The following CLNK variants were observed in gnomAD, a reference collection of about 807,000 sequenced individuals.
CLNK encodes the protein cytokine dependent hematopoietic cell linker, also known as cytokine-dependent hematopoietic cell linker.
CLNK carries 74 observed loss-of-function variants against 68.6 expected under a neutral mutation model. The ratio of observed to expected loss-of-function variants is 1.08; its 90% CI spans 0.89 to 1.31. The LOEUF (loss-of-function observed/expected upper bound fraction) is 1.31. Ranked by LOEUF, CLNK falls within the 50% of genes most tolerant of loss-of-function variation. The pLI is 0.00. For missense variants in CLNK, 553 were observed against 515.3 expected (o/e 1.07, Z -0.71); for synonymous variants, 198 against 172.2 (o/e 1.15, Z -1.17).
chr4:10,547,863 T>C (rs1331131959), intron 8 of CLNK, among the ~76,000 whole-genome samples: 2 of 152,184 alleles, frequency 1.3e-5, no homozygotes, highest in Non-Finnish European at 2.9e-5. Context: ...TGTGTGTATA[T>C]ACCACAATTT....
chr4:10,678,058 G>A (rs1169397554), intron 1 of CLNK, among the ~76,000 whole-genome samples: 1 of 152,022 alleles, frequency 6.6e-6, no homozygotes. Flanking sequence ...CATTTCATCT[G>A]TAACTTCGAG....
intron 2 of CLNK, among the ~76,000 whole-genome samples, chr4:10,616,825 C>T (rs4377585): frequency 0.067 from 855 of 12,706 alleles, 8 homozygotes; most frequent in South Asian, 0.16. Flanking sequence ...TATATATATA[C>T]ACGCATTTTT....
chr4:10,623,946 A>G (rs576626618), intron 2 of CLNK, among the ~76,000 whole-genome samples: 1 of 152,354 alleles, frequency 6.6e-6, no homozygotes, highest in East Asian at 1.9e-4. Flanking sequence ...AAGGAAGAAA[A>G]CATGTTAAAT....
chr4:10,592,093 G>A (rs1721199704), intron 3 of CLNK, among the ~76,000 whole-genome samples: 1 of 152,168 alleles, frequency 6.6e-6, no homozygotes, highest in South Asian at 2.1e-4. Context: ...AGAACCTGTG[G>A]CACTTCTTAC....
chr4:10,569,974 ACAAAG>A (rs534056307), intron 5 of CLNK, among the ~76,000 whole-genome samples: 88 of 152,304 alleles, frequency 5.8e-4, no homozygotes, highest in African/African-American at 2.1e-3. Flanking sequence ...AGTACCCAGG[ACAAAG>A]CAAAGCAAAG....
At chr4:10,703,078 A>G in the CLNK span, among the ~76,000 whole-genome samples, 2 of 152,170 alleles carry the variant, frequency 1.3e-5, no homozygotes, top group Non-Finnish European at 2.9e-5. Context: ...TAAGTTAAAA[A>G]TAAAAACTGA....
intron 16 of CLNK, among the ~76,000 whole-genome samples, chr4:10,513,041 C>T (rs1169018033): frequency 6.6e-6 from 1 of 152,116 alleles, no homozygotes; most frequent in African/African-American, 2.4e-5. Flanking sequence ...CACATAATAA[C>T]TGCTCAACTA....
chr4:10,506,046 G>A (rs866390444), intron 17 of CLNK, among the ~76,000 whole-genome samples: 1 of 152,068 alleles, frequency 6.6e-6, no homozygotes, highest in South Asian at 2.1e-4. Context: ...GTTAGCTGGG[G>A]ATAGGTTTTG....
chr4:10,496,162 G>A, intron 18 of CLNK, among the ~76,000 whole-genome samples: 1 of 152,206 alleles, frequency 6.6e-6, no homozygotes, highest in Non-Finnish European at 1.5e-5. Context: ...GTTAGGCATT[G>A]CTGCATCATC....
At position 10,615,593 on chromosome 4, in the gene CLNK, G is replaced by A. The variant is rs191631711; in HGVS notation, c.12-17544C>T. Among the ~76,000 whole-genome samples, 4 of 152,276 alleles carry A rather than the reference G, an allele frequency of 2.6e-5. No individual in the cohort carries two copies. In the East Asian group the frequency reaches 7.7e-4, roughly 29 times the overall value. Reference sequence around the variant, plus strand: ...AGAAGAGCAAAGAAGAGCCAGTAGAGTTCTCCATGCACCTGCTCCAGGTAT... The same window carrying A: ...AGAAGAGCAAAGAAGAGCCAGTAGAATTCTCCATGCACCTGCTCCAGGTAT... On this transcript the variant is annotated intron_variant, in intron 2 of 18. Transcript: ENST00000226951.
chr4:10,505,184 G>C (rs975206189), intron 17 of CLNK, among the ~76,000 whole-genome samples: 1 of 152,198 alleles, frequency 6.6e-6, no homozygotes, highest in Non-Finnish European at 1.5e-5. Flanking sequence ...CTCTACCAAG[G>C]CATGGCCAGA....
chr4:10,642,801 T>C (rs1723361901), intron 2 of CLNK, among the ~76,000 whole-genome samples: 1 of 152,202 alleles, frequency 6.6e-6, no homozygotes, highest in South Asian at 2.1e-4. Flanking sequence ...AAAATGGTAA[T>C]AATTATGTTT....
At chr4:10,574,841 T>TGTTCC (rs1257794468) in intron 4 of CLNK, among the ~76,000 whole-genome samples, 1 of 152,206 alleles carries the variant, frequency 6.6e-6, no homozygotes, top group Admixed American at 6.5e-5. Context: ...TGTCCTGTTC[T>TGTTCC]GTTCCGTTCT....
rs1720095652 is a variant in CLNK at position 10,566,039 on chromosome 4, C to T, written c.262G>A (p.Ala88Thr). 2 of 1,613,742 alleles carry T rather than the reference C, an allele frequency of 1.2e-6. No individual in the cohort carries two copies. Among genetic ancestry groups the T allele is most frequent in the African/African-American group, 1.3e-5 (1 of 74,912 alleles). The change falls in exon 6 of 19, where the codon GCC (alanine) becomes ACC (threonine). Residue 88 changes from alanine to threonine, a missense_variant. Physicochemically the swap from Ala to Thr is moderately conservative, Grantham distance 58 (BLOSUM62 0). Transcript: ENST00000226951. ...TATTCAGATTCCTTTATAGGCCGGG[C>T]TGGTAAAATTTTAATCGACTGCCAT... The part of the protein sequence containing the change: ...ETWQSIKILP[A>T]RPIKESEYAD...
intron 2 of CLNK, among the ~76,000 whole-genome samples, chr4:10,609,408 G>C (rs527350351): frequency 3.6e-4 from 55 of 152,284 alleles, no homozygotes; most frequent in Non-Finnish European, 2.1e-4. Flanking sequence ...CTGTCTTCTA[G>C]CTTCTTCTGA....
intron 3 of CLNK, among the ~76,000 whole-genome samples, chr4:10,592,812 A>G (rs1346425604): frequency 6.6e-6 from 1 of 150,770 alleles, no homozygotes; most frequent in Non-Finnish European, 1.5e-5. Flanking sequence ...TGCAACCTCC[A>G]CCTCCCGAGT....
Position 10,542,682 on chromosome 4 carries a change from G to GTA in CLNK, c.446-404_446-403dup, listed in dbSNP as rs1195351938. 3.8e-4 allele frequency among the ~76,000 whole-genome samples: 53 copies of GTA among 137,876 alleles called. No individual in the cohort carries two copies. The South Asian group carries it at 5.2e-3, about 13-fold the overall frequency. The allele number at this position is 137,876 out of a possible 152,430, so 90.5% of individuals were successfully genotyped here. A position where few individuals can be genotyped will look rare whatever the true frequency, so the allele number is the denominator to read the frequency against. On this transcript the variant is annotated intron_variant, in intron 8 of 18. Transcript: ENST00000226951. ...TGTGTGTGTGTGTGTGTGTGTGTGTGTATATATATATATATACAATTCAAT... is the reference window on the plus strand; with the variant it reads ...TGTGTGTGTGTGTGTGTGTGTGTGTGTATATATATATATATATACAATTCAAT...
At chr4:10,687,722 C>T (rs1169056390), upstream of CLNK, among the ~76,000 whole-genome samples, 1 of 151,920 alleles carries the variant, frequency 6.6e-6, no homozygotes, top group Non-Finnish European at 1.5e-5. Flanking sequence ...GAGGCTCAAT[C>T]TCAGGCCAGC....
intron 3 of CLNK, among the ~76,000 whole-genome samples, chr4:10,587,666 C>G (rs559124384): frequency 3.3e-5 from 5 of 152,116 alleles, no homozygotes; most frequent in Admixed American, 6.5e-5. Context: ...CATTTTAAAC[C>G]CCAAATGAAA....
Sources: allele counts gnomAD v4.1 joint callset (sites outside exome capture counted in the v4.1 genomes callset), GRCh38; gene constraint gnomAD v4.1.1; transcripts MANE v1.5; gene names NCBI Gene and HGNC (gene_info 2026-07-23, HGNC 2026-07-21).